The following MARCO variants were observed in gnomAD, a reference collection of about 807,000 sequenced individuals.
MARCO encodes the protein macrophage receptor MARCO.
Under a neutral mutation model 70.0 loss-of-function variants are expected in MARCO, and 72 were observed. The observed-to-expected ratio is 1.03, with a 90% CI of 0.85 to 1.25. The LOEUF (loss-of-function observed/expected upper bound fraction) is 1.25, where lower values mean the gene tolerates loss of function less well. Ranked by LOEUF, MARCO falls within the 50% of genes most tolerant of loss-of-function variation. The pLI is 0.00. For missense variants in MARCO, 696 were observed against 659.3 expected (o/e 1.06, Z -0.61); for synonymous variants, 273 against 243.1 (o/e 1.12, Z -1.14).
chr2:118,980,431 G>A (rs1017220332), intron 8 of MARCO, among the ~76,000 whole-genome samples: 2 of 152,168 alleles, frequency 1.3e-5, no homozygotes, highest in African/African-American at 4.8e-5. Flanking sequence ...CTAAGACCCA[G>A]GGCTCTCCCT....
At chr2:118,981,156 G>C (rs111981924) in intron 8 of MARCO, among the ~76,000 whole-genome samples, 39 of 152,056 alleles carry the variant, frequency 2.6e-4, no homozygotes, top group African/African-American at 9.2e-4. Context: ...CCTCCCAAGG[G>C]GACCAGGGCT....
intron 14 of MARCO, among the ~76,000 whole-genome samples, chr2:118,992,160 G>T (rs1171086473): frequency 6.6e-6 from 1 of 152,160 alleles, no homozygotes; most frequent in African/African-American, 2.4e-5. Context: ...CCATGAAGGA[G>T]ATGAGCCCAT....
intron 16 of MARCO, among the ~76,000 whole-genome samples, chr2:118,993,825 A>T (rs1224615450): frequency 6.6e-6 from 1 of 152,156 alleles, no homozygotes; most frequent in East Asian, 1.9e-4. Context: ...GATGCTGGAG[A>T]CTCAGCCTAT....
At chr2:118,958,068 G>A (rs1679871248) in intron 1 of MARCO, among the ~76,000 whole-genome samples, 1 of 151,936 alleles carries the variant, frequency 6.6e-6, no homozygotes, top group Admixed American at 6.6e-5. Flanking sequence ...AAAATTGAAA[G>A]CATTCCCTCT....
At chr2:118,970,644 G>C (rs768621049) in intron 3 of MARCO, among the ~76,000 whole-genome samples, 1 of 152,206 alleles carries the variant, frequency 6.6e-6, no homozygotes, top group African/African-American at 2.4e-5. Flanking sequence ...AGACAATGTG[G>C]GGACTTTGTG....
At chr2:118,955,017 C>G (rs997403979) in intron 1 of MARCO, among the ~76,000 whole-genome samples, 1 of 150,236 alleles carries the variant, frequency 6.7e-6, no homozygotes, top group Non-Finnish European at 1.5e-5. Flanking sequence ...CTCATCAACA[C>G]CACACCCTCA....
chr2:118,944,618 A>T (rs1490383927), intron 1 of MARCO, among the ~76,000 whole-genome samples: 11 of 152,012 alleles, frequency 7.2e-5, no homozygotes, highest in African/African-American at 2.7e-4. Context: ...ATTGAAATAT[A>T]AAATGCTGTT....
chr2:118,977,148 C>G (rs943949457), intron 6 of MARCO, among the ~76,000 whole-genome samples: 1 of 152,156 alleles, frequency 6.6e-6, no homozygotes, highest in Non-Finnish European at 1.5e-5. Flanking sequence ...GACCCAAACA[C>G]CTCCCCACTA....
intron 15 of MARCO, chr2:118,992,918 T>C: frequency 3.7e-6 from 2 of 544,420 alleles, no homozygotes. Context: ...CCTGTGGCCT[T>C]GTGCCTGCAG....
intron 1 of MARCO, among the ~76,000 whole-genome samples, chr2:118,955,963 AAATCTG>A (rs1679829053): frequency 9.7e-6 from 1 of 102,968 alleles, no homozygotes; most frequent in African/African-American, 5.4e-5. Context: ...TGAACTGTTT[AAATCTG>A]TTTAAATCTT....
chr2:118,987,642 G>T (rs192392693), intron 12 of MARCO, among the ~76,000 whole-genome samples: 1 of 152,316 alleles, frequency 6.6e-6, no homozygotes, highest in East Asian at 1.9e-4. Flanking sequence ...AAGAATGAGT[G>T]AGAGTTGTTT....
intron 1 of MARCO, among the ~76,000 whole-genome samples, chr2:118,946,044 T>C (rs1183569686): frequency 6.6e-6 from 1 of 152,226 alleles, no homozygotes; most frequent in African/African-American, 2.4e-5. Flanking sequence ...CTCAACATCT[T>C]TTAAACATCT....
At chr2:118,977,576 C>A (rs1680308799) in intron 7 of MARCO, 61 bp downstream of exon 7, 3 of 1,281,376 alleles carry the variant, frequency 2.3e-6, no homozygotes, top group Non-Finnish European at 2.2e-6. Context: ...TGAGGCAGTT[C>A]CCCCCCACCC....
At chr2:118,942,436 T>C (rs745494846) in intron 1 of MARCO, 39 bp downstream of exon 1, 1 of 1,471,176 alleles carries the variant, frequency 6.8e-7, no homozygotes, top group Admixed American at 1.7e-5. Flanking sequence ...TGACCAGAAA[T>C]GTAGTCTTTC....
intron 1 of MARCO, among the ~76,000 whole-genome samples, chr2:118,963,790 G>A (rs1331216542): frequency 1.3e-5 from 2 of 151,996 alleles, no homozygotes; most frequent in Admixed American, 1.3e-4. Flanking sequence ...CACATTGTTG[G>A]ATTATGTTTT....
chr2:118,969,873 A>T (rs553658504), intron 2 of MARCO, among the ~76,000 whole-genome samples: 35 of 152,356 alleles, frequency 2.3e-4, no homozygotes, highest in Middle Eastern at 3.4e-3. Flanking sequence ...TTGTGGATGC[A>T]GTAGGCACAG....
chr2:118,959,023 C>A (rs546641852), intron 1 of MARCO, among the ~76,000 whole-genome samples: 165 of 152,292 alleles, frequency 1.1e-3, no homozygotes, highest in Non-Finnish European at 1.9e-3. Flanking sequence ...AGACCTGAAA[C>A]TGTAAACATT....
In MARCO at chr2:118,974,266, T is replaced by C. The variant is rs1573395149; in HGVS notation, c.461-67T>C. The C allele has an allele frequency of 6.7e-6, 6 of 898,432 alleles. No homozygotes were observed. In the East Asian group the frequency reaches 1.3e-4, roughly 20 times the overall value. 55.7% of individuals were successfully genotyped at this position (898,432 alleles called of 1,614,324 possible). A position where few individuals can be genotyped will look rare whatever the true frequency, so the allele number is the denominator to read the frequency against. On this transcript the variant is annotated intron_variant, in intron 4 of 16. Transcript: ENST00000327097. Reference sequence around the variant, plus strand: ...TTTGTTGAATGAATCACCATGTAAGTGATTGCATGGCGTTGTTGCCCCATC... The same window carrying C: ...TTTGTTGAATGAATCACCATGTAAGCGATTGCATGGCGTTGTTGCCCCATC...
Position 118,942,376 on chromosome 2 carries a change from A to G in MARCO, c.76A>G (p.Met26Val). The G allele has an allele frequency of 6.2e-7, 1 of 1,613,528 alleles. No individual in the cohort carries two copies. Among genetic ancestry groups the G allele is most frequent in the Non-Finnish European group, 8.5e-7 (1 of 1,179,506 alleles). Reference sequence around the variant, plus strand: ...ACAAGCTGCTTTTCACCAAATTGCAATGGAGCCTTTCGAAATCAATGGTAA... The same window carrying G: ...ACAAGCTGCTTTTCACCAAATTGCAGTGGAGCCTTTCGAAATCAATGGTAA... ...TQQAAFHQIA[M>V]EPFEINVPKP... is the part of the protein sequence containing the mutation. The change falls in exon 1 of 17, where the codon ATG becomes GTG. Residue 26 changes from methionine (M) to valine (V), a missense_variant. This residue lies in a region of MARCO where 605 missense variants were observed against 537.6 expected (regional missense o/e 1.13). Transcript: ENST00000327097.
Sources: allele counts gnomAD v4.1 joint callset (sites outside exome capture counted in the v4.1 genomes callset), GRCh38; gene constraint gnomAD v4.1.1; regional missense constraint gnomAD v4.1.1; transcripts MANE v1.5; gene names NCBI Gene and HGNC (gene_info 2026-07-23, HGNC 2026-07-21).